SH3GL2: variants seen among roughly 807,000 people sequenced by gnomAD.
The protein encoded by SH3GL2 is SH3 domain containing GRB2 like 2, endophilin A1.
SH3GL2 carries 24 observed loss-of-function variants against 46.0 expected under a neutral mutation model. The observed-to-expected ratio is 0.52, with a 90% CI of 0.38 to 0.73. SH3GL2 has a LOEUF of 0.73. Ranked by LOEUF, SH3GL2 falls within the 30% of genes least tolerant of loss-of-function variation. The probability of loss-of-function intolerance (pLI) is 0.00; values close to 1 mark genes in which losing one functional copy is unlikely to be tolerated. For synonymous variants in SH3GL2, 196 were observed against 147.1 expected, an observed-to-expected ratio of 1.33 and a Z score of -2.40; for missense variants, 413 against 424.2, an observed-to-expected ratio of 0.97 and a Z score of 0.23.
At chr9:17,708,588 A>G (rs1821536455) in intron 1 of SH3GL2, among the ~76,000 whole-genome samples, 1 of 152,022 alleles carries the variant, frequency 6.6e-6, no homozygotes, top group East Asian at 1.9e-4. Flanking sequence ...TATAAACTAA[A>G]TGTTCTTTAA....
At chr9:17,763,677 TGTG>T (rs1195502315) in intron 3 of SH3GL2, among the ~76,000 whole-genome samples, 1 of 152,198 alleles carries the variant, frequency 6.6e-6, no homozygotes, top group African/African-American at 2.4e-5. Context: ...CTGCCCAGTT[TGTG>T]GTCATTTGAA....
intron 1 of SH3GL2, among the ~76,000 whole-genome samples, chr9:17,584,134 G>GTATAA (rs1818326448): frequency 2.0e-5 from 3 of 152,204 alleles, no homozygotes; most frequent in African/African-American, 7.2e-5. Flanking sequence ...GCATTTTTCT[G>GTATAA]AGGGAGAATG....
chr9:17,749,136 C>G (rs1175751844), intron 2 of SH3GL2, among the ~76,000 whole-genome samples: 1 of 152,218 alleles, frequency 6.6e-6, no homozygotes, highest in African/African-American at 2.4e-5. Flanking sequence ...CACCTACTTC[C>G]TCCAACTGGA....
chr9:17,733,556 G>A (rs2118433249), intron 1 of SH3GL2, among the ~76,000 whole-genome samples: 1 of 150,438 alleles, frequency 6.6e-6, no homozygotes, highest in African/African-American at 2.4e-5. Context: ...GTGGAAGTCA[G>A]TGTGGCAATT....
intron 1 of SH3GL2, among the ~76,000 whole-genome samples, chr9:17,693,872 G>T (rs1821142475): frequency 6.6e-6 from 1 of 152,142 alleles, no homozygotes; most frequent in South Asian, 2.1e-4. Flanking sequence ...CTTGGTTAGA[G>T]CTTTCATGGT....
chr9:17,756,304 T>G (rs1380338074), intron 2 of SH3GL2, among the ~76,000 whole-genome samples: 3 of 152,326 alleles, frequency 2.0e-5, no homozygotes, highest in East Asian at 3.9e-4. Flanking sequence ...ATTTACAGTT[T>G]CACTTTCTTT....
intron 2 of SH3GL2, among the ~76,000 whole-genome samples, chr9:17,750,685 T>C (rs1172223949): frequency 6.6e-6 from 1 of 152,226 alleles, no homozygotes; most frequent in African/African-American, 2.4e-5. Flanking sequence ...TTTGAAAAGC[T>C]ATAGGATTTT....
chr9:17,647,706 T>C (rs949347116), intron 1 of SH3GL2, among the ~76,000 whole-genome samples: 1 of 152,174 alleles, frequency 6.6e-6, no homozygotes. Context: ...TTATAAAGAT[T>C]AAAATAAATG....
intron 1 of SH3GL2, among the ~76,000 whole-genome samples, chr9:17,741,109 T>A (rs1372808496): frequency 1.3e-5 from 2 of 152,184 alleles, no homozygotes; most frequent in African/African-American, 4.8e-5. Flanking sequence ...CAGGATAATT[T>A]ATGAATTCTG....
intron 1 of SH3GL2, among the ~76,000 whole-genome samples, chr9:17,716,573 A>G (rs1057272057): frequency 1.3e-5 from 2 of 152,124 alleles, no homozygotes; most frequent in East Asian, 1.9e-4. Flanking sequence ...TGTTCCCTCT[A>G]CTGTTTTTGG....
intron 1 of SH3GL2, among the ~76,000 whole-genome samples, chr9:17,703,961 G>A (rs6475166): frequency 0.26 from 39,145 of 151,814 alleles, 6,093 homozygotes; most frequent in African/African-American, 0.41. Flanking sequence ...TCAGCAAGAG[G>A]TATAAAAAGC....
intron 1 of SH3GL2, among the ~76,000 whole-genome samples, chr9:17,698,127 A>C (rs1821254585): frequency 6.6e-6 from 1 of 152,202 alleles, no homozygotes; most frequent in Non-Finnish European, 1.5e-5. Context: ...AGGGAATATT[A>C]CATATGGTAG....
chr9:17,715,812 G>T (rs1258658118), intron 1 of SH3GL2, among the ~76,000 whole-genome samples: 1 of 151,940 alleles, frequency 6.6e-6, no homozygotes, highest in African/African-American at 2.4e-5. Flanking sequence ...GCTTAGCCTA[G>T]CCTACCTTAA....
intron 1 of SH3GL2, among the ~76,000 whole-genome samples, chr9:17,728,257 A>T (rs942704103): frequency 6.6e-6 from 1 of 152,056 alleles, no homozygotes. Context: ...CCTGAGGAAA[A>T]TTGATTTACT....
chr9:17,791,603 A>T (rs1824131082), intron 7 of SH3GL2, among the ~76,000 whole-genome samples: 1 of 152,236 alleles, frequency 6.6e-6, no homozygotes, highest in African/African-American at 2.4e-5. Context: ...GCTACTGCTG[A>T]TAATGGATGC....
intron 1 of SH3GL2, among the ~76,000 whole-genome samples, chr9:17,650,128 T>C (rs1819920033): frequency 6.6e-6 from 1 of 152,220 alleles, no homozygotes. Flanking sequence ...GCAGTTGAGA[T>C]GATGTTATCT....
chr9:17,737,967 C>CT (rs1822391279), intron 1 of SH3GL2, among the ~76,000 whole-genome samples: 1 of 152,098 alleles, frequency 6.6e-6, no homozygotes, highest in Admixed American at 6.6e-5. Flanking sequence ...CTACAGGAAG[C>CT]TTTTCCCAGC....
chr9:17,645,643 C>T (rs750817557), intron 1 of SH3GL2, among the ~76,000 whole-genome samples: 13 of 152,182 alleles, frequency 8.5e-5, no homozygotes, highest in Middle Eastern at 3.4e-3. Flanking sequence ...TTTAGTTTGG[C>T]TGGATATGAA....
intron 1 of SH3GL2, among the ~76,000 whole-genome samples, chr9:17,613,781 C>T (rs1312755347): frequency 6.6e-6 from 1 of 152,192 alleles, no homozygotes; most frequent in African/African-American, 2.4e-5. Flanking sequence ...CATTTCCCTG[C>T]TTTGACTATG....
Sources: gnomAD v4.1 joint callset for allele counts (sites outside exome capture counted in the v4.1 genomes callset) on GRCh38, gnomAD v4.1.1 for gene constraint, MANE v1.5 for transcripts, NCBI Gene and HGNC (gene_info 2026-07-23, HGNC 2026-07-21) for gene names.